The following STYXL2 variants were observed in gnomAD, a reference collection of about 807,000 sequenced individuals.
The protein encoded by STYXL2 is serine/threonine/tyrosine interacting like 2, also known as serine/threonine/tyrosine-interacting-like protein 2.
Under a neutral mutation model 52.4 loss-of-function variants are expected in STYXL2, and 44 were observed. The observed-to-expected ratio is 0.84, with a 90% CI of 0.66 to 1.08. The LOEUF is 1.08. Among genes scored for constraint, STYXL2 ranks in the 50% least tolerant of loss-of-function variants. STYXL2 has a pLI of 0.00. For synonymous variants in STYXL2, 604 were observed against 586.9 expected (o/e 1.03, Z -0.42); for missense variants, 1,604 against 1,471.7 (o/e 1.09, Z -1.47).
At chr1:167,117,868 A>G (rs1667763474) in intron 4 of STYXL2, among the ~76,000 whole-genome samples, 1 of 152,182 alleles carries the variant, frequency 6.6e-6, no homozygotes, top group Non-Finnish European at 1.5e-5. Context: ...ATCTCATGAC[A>G]TCTGTAGCTA....
chr1:167,116,539 T>A (rs1272508276), intron 3 of STYXL2, among the ~76,000 whole-genome samples: 1 of 152,154 alleles, frequency 6.6e-6, no homozygotes, highest in East Asian at 1.9e-4. Flanking sequence ...GTTTTACTTT[T>A]CCCAGGGTTA....
At chr1:167,110,032 C>T (rs897272358) in intron 2 of STYXL2, among the ~76,000 whole-genome samples, 4 of 152,160 alleles carry the variant, frequency 2.6e-5, no homozygotes, top group South Asian at 2.1e-4. Flanking sequence ...ACCTGAAGGT[C>T]GATCACATCA....
At chr1:167,118,752 A>G (rs1667786073) in intron 4 of STYXL2, among the ~76,000 whole-genome samples, 1 of 152,214 alleles carries the variant, frequency 6.6e-6, no homozygotes, top group Non-Finnish European at 1.5e-5. Flanking sequence ...AAGAGCTCTC[A>G]GATTGAGTTT....
At position 167,124,086 on chromosome 1, in the gene STYXL2, GT is replaced by G. The variant is rs113870663; in HGVS notation, c.656-1693del. 8.6e-3 allele frequency among the ~76,000 whole-genome samples: 1,297 copies of G among 150,952 alleles called. 25 individuals carry two copies. The highest frequency in any genetic ancestry group is 0.038 in the Middle Eastern group (11 of 290). ...GCGCTTGCCATGGTTTTTTGTTTTT[GT>G]TTTTTTTAGAGACGAGGTTTCGCTA... On this transcript the variant is annotated intron_variant, in intron 5 of 5. Transcript: ENST00000361200.
chr1:167,112,578 G>A (rs1191141489), intron 2 of STYXL2, among the ~76,000 whole-genome samples: 1 of 152,190 alleles, frequency 6.6e-6, no homozygotes, highest in African/African-American at 2.4e-5. Flanking sequence ...TGGGAATCCA[G>A]CTGGGGTTGC....
intron 2 of STYXL2, among the ~76,000 whole-genome samples, chr1:167,101,928 C>T (rs1667411144): frequency 6.6e-6 from 1 of 151,972 alleles, no homozygotes; most frequent in Admixed American, 6.5e-5. Context: ...TGGATAAACA[C>T]ATTGTGTCAC....
chr1:167,111,530 A>ACACAC (rs71073638), intron 2 of STYXL2, among the ~76,000 whole-genome samples: 1 of 139,418 alleles, frequency 7.2e-6, no homozygotes, highest in Admixed American at 7.2e-5. Context: ...ACACACACAC[A>ACACAC]AATATATATA....
rs1667840305 is a variant in STYXL2 at position 167,120,871 on chromosome 1, T to G, written c.655+1405T>G. ...ATATATATATATATATATATATATA[T>G]ATATATATATATATACAGAGAGAGA... On this transcript the variant is annotated intron_variant, in intron 5 of 5. Transcript: ENST00000361200. Among the ~76,000 whole-genome samples, 4 of 87,066 alleles carry G rather than the reference T, an allele frequency of 4.6e-5. 1 individual carries two copies. Among genetic ancestry groups the G allele is most frequent in the African/African-American group, 4.6e-5 (1 of 21,708 alleles). The allele number at this position is 87,066 out of a possible 152,430, so 57.1% of individuals were successfully genotyped here. A position where few individuals can be genotyped will look rare whatever the true frequency, so the allele number is the denominator to read the frequency against.
chr1:167,117,869 T>G (rs1198006153), intron 4 of STYXL2, among the ~76,000 whole-genome samples: 1 of 152,188 alleles, frequency 6.6e-6, no homozygotes, highest in East Asian at 1.9e-4. Flanking sequence ...TCTCATGACA[T>G]CTGTAGCTAC....
At chr1:167,101,807 GA>G (rs796470472) in intron 2 of STYXL2, among the ~76,000 whole-genome samples, 97 of 143,538 alleles carry the variant, frequency 6.8e-4, no homozygotes, top group African/African-American at 2.3e-3. Context: ...TCTCAAAAAA[GA>G]AAAAAAAAAG....
At chr1:167,104,198 T>G (rs893132073) in intron 2 of STYXL2, among the ~76,000 whole-genome samples, 5 of 147,232 alleles carry the variant, frequency 3.4e-5, no homozygotes, top group Admixed American at 3.4e-4. Context: ...CCTTCTTAGC[T>G]ATTATCATCA....
chr1:167,119,926 C>G (rs1558024548), intron 5 of STYXL2, among the ~76,000 whole-genome samples: 1 of 152,080 alleles, frequency 6.6e-6, no homozygotes, highest in African/African-American at 2.4e-5. Flanking sequence ...AGCATTCCTG[C>G]AGAAGAGAAC....
chr1:167,112,063 G>T (rs115941624), intron 2 of STYXL2, among the ~76,000 whole-genome samples: 2 of 152,010 alleles, frequency 1.3e-5, no homozygotes, highest in African/African-American at 4.8e-5. Flanking sequence ...GGCCAGACCC[G>T]CCCATGCAGC....
rs535025124 is a variant in STYXL2, at chr1:167,125,169, T to C, written c.656-618T>C. Among the ~76,000 whole-genome samples, 3 of 152,344 alleles carry C rather than the reference T, an allele frequency of 2.0e-5. No individual in the cohort carries two copies. The South Asian group carries it at 6.2e-4, about 32-fold the overall frequency. ...TACAATGTATCCATAGTTGACTTTA[T>C]AATGTCAGAGCAGGAGTACTGGATG... On this transcript the variant is annotated intron_variant, in intron 5 of 5. Transcript: ENST00000361200.
chr1:167,117,372 ATGCTGGAGTCTGCTGAACAGC>A lies in STYXL2; in HGVS notation c.257_277del (p.Glu86_Leu92del). On this transcript the variant is annotated inframe_deletion, in exon 4 of 6. Transcript: ENST00000361200. ...CAGAGCAGACGCAGAGTGTCCAGGC[ATGCTGGAGTCTGCTGAACAGC>A]TGCTGGTGGAGGACCTGTACAACCG... 1 of 1,612,506 alleles carries A rather than the reference ATGCTGGAGTCTGCTGAACAGC, an allele frequency of 6.2e-7. No homozygotes were observed. Among genetic ancestry groups the A allele is most frequent in the Admixed American group, 1.7e-5 (1 of 59,854 alleles).
chr1:167,114,307 TA>T (rs1203893627), intron 3 of STYXL2, among the ~76,000 whole-genome samples: 2 of 152,178 alleles, frequency 1.3e-5, no homozygotes, highest in South Asian at 4.1e-4. Context: ...GCAGACAACA[TA>T]TAGTTATTTT....
Position 167,127,644 on chromosome 1 carries a change from G to A in STYXL2, c.2513G>A (p.Arg838Gln), listed in dbSNP as rs370041575. The A allele has an allele frequency of 7.2e-5, 117 of 1,614,000 alleles. 1 individual carries two copies. Among genetic ancestry groups the A allele is most frequent in the Middle Eastern group, 3.3e-4 (2 of 6,084 alleles). The change falls in exon 6 of 6, where the codon CGG (arginine) becomes CAG (glutamine). Residue 838 changes from arginine to glutamine, a missense_variant. By Grantham distance (43) the Arg-to-Gln change is conservative (BLOSUM62 1). Coordinates refer to ENST00000361200, the MANE Select transcript of STYXL2 (RefSeq NM_001080426.3). ...ADNVDLKELG[R>Q]KEKEMQMELR... ...AATGTGGACCTAAAGGAACTTGGCC[G>A]GAAGGAGAAGGAGATGCAGATGGAG...
intron 5 of STYXL2, among the ~76,000 whole-genome samples, chr1:167,123,876 G>A (rs558982666): frequency 1.6e-4 from 25 of 151,840 alleles, no homozygotes; most frequent in East Asian, 1.2e-3. Context: ...CACCCACCTC[G>A]GCCTCCCAAA....
intron 4 of STYXL2, among the ~76,000 whole-genome samples, chr1:167,118,465 T>G (rs983752399): frequency 4.6e-5 from 7 of 152,224 alleles, no homozygotes; most frequent in Non-Finnish European, 1.0e-4. Flanking sequence ...GAGTAATCAG[T>G]TGCCTAGAAC....
Sources: gnomAD v4.1 joint callset for allele counts (sites outside exome capture counted in the v4.1 genomes callset) on GRCh38, gnomAD v4.1.1 for gene constraint, MANE v1.5 for transcripts, NCBI Gene and HGNC (gene_info 2026-07-23, HGNC 2026-07-21) for gene names.